The following VPS53 variants were observed in gnomAD, a reference collection of about 807,000 sequenced individuals.
VPS53 encodes VPS53 subunit of GARP complex.
In VPS53, 70 loss-of-function variants were observed where a neutral mutation model predicts 107.0. The ratio of observed to expected loss-of-function variants is 0.65; its 90% CI spans 0.54 to 0.80. VPS53 has a LOEUF of 0.80. Ranked by LOEUF, VPS53 falls within the 30% of genes least tolerant of loss-of-function variation. The pLI is 0.00. For synonymous variants in VPS53, 409 were observed against 393.3 expected (o/e 1.04, Z -0.47); for missense variants, 917 against 1,049.4 (o/e 0.87, Z 1.74).
intron 11 of VPS53, among the ~76,000 whole-genome samples, chr17:617,575 C>T (rs549364261): frequency 3.9e-5 from 6 of 152,046 alleles, no homozygotes; most frequent in African/African-American, 1.2e-4. Flanking sequence ...CTAATATTTC[C>T]CGGGTAGCTG....
At chr17:558,474 AT>A (rs1373502694) in intron 15 of VPS53, among the ~76,000 whole-genome samples, 1 of 152,170 alleles carries the variant, frequency 6.6e-6, no homozygotes, top group African/African-American at 2.4e-5. Flanking sequence ...TCTACTAAAA[AT>A]AAAAAAAAAT....
chr17:667,663 G>C (rs1046642771), intron 4 of VPS53, among the ~76,000 whole-genome samples: 1 of 138,324 alleles, frequency 7.2e-6, no homozygotes, highest in South Asian at 2.7e-4. Flanking sequence ...TCTGGGGGGG[G>C]GGGCAATGGG....
intron 10 of VPS53, among the ~76,000 whole-genome samples, chr17:626,342 G>C (rs1269926025): frequency 6.6e-6 from 1 of 152,158 alleles, no homozygotes; most frequent in South Asian, 2.1e-4. Flanking sequence ...ACGTAGAGAG[G>C]ATGAACAAAA....
At chr17:704,361 A>G (rs1168069411) in intron 2 of VPS53, among the ~76,000 whole-genome samples, 1 of 152,168 alleles carries the variant, frequency 6.6e-6, no homozygotes, top group Admixed American at 6.5e-5. Context: ...TCCACTCAAC[A>G]GAAACATATT....
chr17:580,387 A>C (rs1340832826), intron 13 of VPS53, among the ~76,000 whole-genome samples: 1 of 145,328 alleles, frequency 6.9e-6, no homozygotes, highest in Non-Finnish European at 1.5e-5. Flanking sequence ...AACTTCCCTC[A>C]GGACCTCAAT....
chr17:590,376 T>C (rs1240957005), intron 12 of VPS53, among the ~76,000 whole-genome samples: 1 of 152,040 alleles, frequency 6.6e-6, no homozygotes, highest in Non-Finnish European at 1.5e-5. Context: ...TATTTCCTTC[T>C]CCTGCCTAAT....
rs1181576345 is a variant in VPS53, at chr17:653,377, A to T, written c.522T>A (p.Val174=). ...AMTRRRQYGE[V]ANLLQGVMNV... Reference sequence around the variant, plus strand: ...TCATCACACCCTGAAGGAGATTAGCAACTTCTCCGTATTGTCTTCGCCTGG... The same window carrying T: ...TCATCACACCCTGAAGGAGATTAGCTACTTCTCCGTATTGTCTTCGCCTGG... Residue 174 remains valine (V), a synonymous_variant, in exon 7 of 22, where the codon GTT becomes GTA. Coordinates refer to ENST00000437048, the MANE Select transcript of VPS53 (RefSeq NM_001128159.3). 1 of 1,614,250 alleles carries T rather than the reference A, an allele frequency of 6.2e-7. No individual in the cohort carries two copies. Among genetic ancestry groups the T allele is most frequent in the African/African-American group, 1.3e-5 (1 of 75,060 alleles).
intron 4 of VPS53, among the ~76,000 whole-genome samples, chr17:688,862 C>G (rs549762818): frequency 8.5e-5 from 13 of 152,198 alleles, no homozygotes; most frequent in African/African-American, 3.1e-4. Context: ...TCAGGGCACT[C>G]CCAGGTCATG....
At chr17:607,948 A>AGCT (rs1191928737) in intron 11 of VPS53, among the ~76,000 whole-genome samples, 1 of 152,144 alleles carries the variant, frequency 6.6e-6, no homozygotes. Flanking sequence ...GTGAGGCCCT[A>AGCT]GCTGGACACA....
chr17:637,198 T>C (rs1970233226), intron 7 of VPS53, among the ~76,000 whole-genome samples: 1 of 152,236 alleles, frequency 6.6e-6, no homozygotes, highest in Non-Finnish European at 1.5e-5. Flanking sequence ...TTGTAGTTTA[T>C]TTGCATAGGG....
At chr17:624,110 G>A (rs918533390) in intron 10 of VPS53, among the ~76,000 whole-genome samples, 7 of 151,436 alleles carry the variant, frequency 4.6e-5, no homozygotes, top group Non-Finnish European at 7.4e-5. Flanking sequence ...CGCCCACCTC[G>A]GCCTCCCAAA....
rs7214772 is a variant in VPS53 at position 558,214 on chromosome 17, T to C, written c.1704+2212A>G. ...TGGGCATGGTGGCTCACGCCTATAA[T>C]CCCAGCACTTTGGAAGGCCAAGGTG... On this transcript the variant is annotated intron_variant, in intron 15 of 21. Coordinates refer to ENST00000437048, the MANE Select transcript of VPS53 (RefSeq NM_001128159.3). Among the ~76,000 whole-genome samples, 1,004 of 152,348 alleles carry C rather than the reference T, an allele frequency of 6.6e-3. 11 individuals are homozygous for C. The highest frequency in any genetic ancestry group is 0.023 in the African/African-American group (954 of 41,578).
chr17:627,604 G>A (rs981379432), intron 9 of VPS53, among the ~76,000 whole-genome samples: 8 of 152,040 alleles, frequency 5.3e-5, no homozygotes, highest in Admixed American at 1.3e-4. Flanking sequence ...GAGAAACCCC[G>A]TCCCTACTAA....
chr17:539,535 GACCTT>G (rs1388809918), intron 17 of VPS53, among the ~76,000 whole-genome samples: 1 of 152,166 alleles, frequency 6.6e-6, no homozygotes, highest in Admixed American at 6.5e-5. Flanking sequence ...AATAAAAGGT[GACCTT>G]ACCTTTAGTA....
chr17:565,906 T>C (rs1021255845), intron 13 of VPS53, among the ~76,000 whole-genome samples: 1 of 152,174 alleles, frequency 6.6e-6, no homozygotes, highest in African/African-American at 2.4e-5. Flanking sequence ...GGATGCCATA[T>C]ATTCAAGAAA....
At chr17:611,831 TCA>T (rs1968891726) in intron 11 of VPS53, among the ~76,000 whole-genome samples, 2 of 150,958 alleles carry the variant, frequency 1.3e-5, no homozygotes, top group South Asian at 2.1e-4. Flanking sequence ...AATAGTGAAT[TCA>T]CACAGTGAAA....
intron 10 of VPS53, among the ~76,000 whole-genome samples, chr17:623,875 A>T (rs1597395659): frequency 6.6e-6 from 1 of 152,156 alleles, no homozygotes; most frequent in East Asian, 1.9e-4. Flanking sequence ...GAAATTATCC[A>T]CCAGGCAAAA....
intron 2 of VPS53, among the ~76,000 whole-genome samples, chr17:699,751 G>A (rs945746638): frequency 5.3e-5 from 8 of 152,174 alleles, no homozygotes; most frequent in East Asian, 1.9e-4. Context: ...CATGGTGTAC[G>A]TGATTGTGAC....
At chr17:656,936 C>A in intron 5 of VPS53, 1 of 1,168,448 alleles carries the variant, frequency 8.6e-7, no homozygotes, top group Non-Finnish European at 1.3e-6. Flanking sequence ...AGTGCCAAAG[C>A]TGTTGCCACT....
Sources: allele counts gnomAD v4.1 joint callset (sites outside exome capture counted in the v4.1 genomes callset), GRCh38; gene constraint gnomAD v4.1.1; transcripts MANE v1.5; gene names NCBI Gene and HGNC (gene_info 2026-07-23, HGNC 2026-07-21).